The following CLEC2D variants were observed in gnomAD, a reference collection of about 807,000 sequenced individuals.
The protein encoded by CLEC2D is C-type lectin related f.
In CLEC2D, 16 loss-of-function variants were observed where a neutral mutation model predicts 20.0. That is an observed-to-expected ratio of 0.80 (90% CI 0.54 to 1.22). CLEC2D has a LOEUF of 1.22. Among genes scored for constraint, CLEC2D ranks in the 50% most tolerant of loss-of-function variants. CLEC2D has a pLI of 0.00. For missense variants in CLEC2D, 207 were observed against 221.5 expected (o/e 0.93, Z 0.42); for synonymous variants, 77 against 71.1 (o/e 1.08, Z -0.42).
At chr12:9,685,494 GCC>G (rs948707236) in intron 2 of CLEC2D, among the ~76,000 whole-genome samples, 1 of 152,226 alleles carries the variant, frequency 6.6e-6, no homozygotes, top group Non-Finnish European at 1.5e-5. Context: ...TTATCTATAA[GCC>G]CCTGACTGGG....
intron 2 of CLEC2D, among the ~76,000 whole-genome samples, chr12:9,687,565 A>G (rs1050524690): frequency 2.0e-5 from 3 of 152,216 alleles, no homozygotes; most frequent in African/African-American, 7.2e-5. Context: ...CTGTTCTCCA[A>G]AGCTGATCAA....
rs1865977156 is a variant in CLEC2D, at chr12:9,695,865, T to C, written c.*991T>C. ...AACTTGCTGCTGCTGCTGATGATGA[T>C]GATGATGAAGATGATGATGATGATG... On this transcript the variant is annotated 3_prime_UTR_variant, in exon 5 of 5. Coordinates refer to ENST00000290855, the MANE Select transcript of CLEC2D (RefSeq NM_013269.6). 5.6e-6 allele frequency: 6 copies of C among 1,066,196 alleles called. No homozygotes were observed. Among genetic ancestry groups the C allele is most frequent in the African/African-American group, 1.6e-5 (1 of 64,172 alleles). 66.0% of individuals were successfully genotyped at this position (1,066,196 alleles called of 1,614,324 possible).
chr12:9,684,570 A>G (rs1168450591), intron 2 of CLEC2D, among the ~76,000 whole-genome samples: 2 of 152,040 alleles, frequency 1.3e-5, no homozygotes, highest in East Asian at 1.9e-4. Flanking sequence ...TACCTAGTCT[A>G]TTGTGTGTTT....
chr12:9,698,752 A>G lies in CLEC2D; in HGVS notation c.*3878A>G, dbSNP rs539731755. 1.5e-4 allele frequency: 23 copies of G among 152,290 alleles called. No homozygotes were observed. Among genetic ancestry groups the G allele is most frequent in the African/African-American group, 5.5e-4 (23 of 41,580 alleles). The allele number at this position is 152,290 out of a possible 1,614,324, so 9.4% of individuals were successfully genotyped here. A position where few individuals can be genotyped will look rare whatever the true frequency, so the allele number is the denominator to read the frequency against. ...GATTGGGAGAATATATTTCCAAACT[A>G]TTGTTGGGGCTCAGAAACGGATACC... On this transcript the variant is annotated 3_prime_UTR_variant, in exon 5 of 5. Coordinates refer to ENST00000290855, the MANE Select transcript of CLEC2D (RefSeq NM_013269.6).
chr12:9,680,361 T>G, intron 1 of CLEC2D: 1 of 168,484 alleles, frequency 5.9e-6, no homozygotes, highest in Non-Finnish European at 1.3e-5. Context: ...GAGGATGGAC[T>G]AATACAACTG....
chr12:9,671,231 T>C (rs970876296), intron 1 of CLEC2D, among the ~76,000 whole-genome samples: 4 of 152,170 alleles, frequency 2.6e-5, no homozygotes, highest in African/African-American at 9.7e-5. Flanking sequence ...TTAGATTTCT[T>C]TTCTTTTTTT....
intron 2 of CLEC2D, 93 bp from the exon 3 acceptor site, chr12:9,687,809 G>A (rs1463509265): frequency 1.5e-6 from 1 of 669,376 alleles, no homozygotes; most frequent in Non-Finnish European, 2.2e-6. Context: ...TACTTAACAG[G>A]AGTGTCAGAA....
chr12:9,684,645 G>A (rs1865714483), intron 2 of CLEC2D, among the ~76,000 whole-genome samples: 1 of 152,096 alleles, frequency 6.6e-6, no homozygotes, highest in Admixed American at 6.5e-5. Context: ...TCATCATGTG[G>A]TTTTTGTCAT....
At chr12:9,688,194 T>TG in intron 3 of CLEC2D, 108 bp downstream of exon 3, 3 of 870,140 alleles carry the variant, frequency 3.4e-6, no homozygotes, top group Non-Finnish European at 4.4e-6. Flanking sequence ...ACATTGATTT[T>TG]TTTTTTTTTT....
intron 2 of CLEC2D, 129 bp downstream of exon 2, chr12:9,681,162 A>C: frequency 1.8e-6 from 1 of 557,718 alleles, no homozygotes; most frequent in Non-Finnish European, 3.1e-6. Context: ...TTACACTCCA[A>C]TAACTTTTTA....
intron 3 of CLEC2D, among the ~76,000 whole-genome samples, chr12:9,691,675 C>G (rs1434000078): frequency 6.6e-5 from 10 of 152,086 alleles, no homozygotes; most frequent in Admixed American, 6.6e-4. Flanking sequence ...AAGAAGAAAT[C>G]ACAAGGGACA....
rs1234444316 is a variant in CLEC2D, at chr12:9,696,138, G to A, written c.*1264G>A. On this transcript the variant is annotated 3_prime_UTR_variant, in exon 5 of 5. Coordinates refer to ENST00000290855, the MANE Select transcript of CLEC2D (RefSeq NM_013269.6). ...AAAAACGTGGTTCTCTTCCCAAAGT[G>A]GAAACCAAGTTCATCAATTATGTGA... 1.4e-5 allele frequency: 13 copies of A among 930,766 alleles called. No homozygotes were observed. The highest frequency in any genetic ancestry group is 2.3e-5 in the Non-Finnish European group (13 of 572,408). The allele number at this position is 930,766 out of a possible 1,614,324, so 57.7% of individuals were successfully genotyped here. A position where few individuals can be genotyped will look rare whatever the true frequency, so the allele number is the denominator to read the frequency against.
chr12:9,686,669 T>C (rs1050753078), intron 2 of CLEC2D, among the ~76,000 whole-genome samples: 63 of 152,214 alleles, frequency 4.1e-4, no homozygotes, highest in African/African-American at 1.4e-3. Flanking sequence ...AGGTAGAAGG[T>C]GGTTATATAA....
intron 1 of CLEC2D, among the ~76,000 whole-genome samples, chr12:9,677,550 T>C (rs1865545972): frequency 6.6e-6 from 1 of 152,174 alleles, no homozygotes; most frequent in South Asian, 2.1e-4. Flanking sequence ...TGGTCTATTA[T>C]GGTGATTATT....
chr12:9,673,569 T>G (rs1393028964), intron 1 of CLEC2D, among the ~76,000 whole-genome samples: 1 of 152,250 alleles, frequency 6.6e-6, no homozygotes, highest in Non-Finnish European at 1.5e-5. Flanking sequence ...AATCTGACAT[T>G]CCCTTAGCAG....
intron 3 of CLEC2D, among the ~76,000 whole-genome samples, chr12:9,692,487 C>T (rs1404696836): frequency 6.6e-6 from 1 of 152,036 alleles, no homozygotes; most frequent in Non-Finnish European, 1.5e-5. Flanking sequence ...AAATTCTATT[C>T]TAGGACAGGT....
At chr12:9,678,046 T>A (rs1591691058) in intron 1 of CLEC2D, among the ~76,000 whole-genome samples, 1 of 152,132 alleles carries the variant, frequency 6.6e-6, no homozygotes, top group African/African-American at 2.4e-5. Context: ...TCCAATAGAG[T>A]GTTGTTGAAA....
chr12:9,687,878 TATTTA>T lies in CLEC2D; in HGVS notation c.173-23_173-19del. The T allele has an allele frequency of 7.1e-7, 1 of 1,413,000 alleles. No homozygotes were observed. Among genetic ancestry groups the T allele is most frequent in the Non-Finnish European group, 9.4e-7 (1 of 1,063,734 alleles). 87.5% of individuals were successfully genotyped at this position (1,413,000 alleles called of 1,614,324 possible). ...ATATAAAAGTAAGAAATTTTTATTT[TATTTA>T]TTTTTATTTTATTTTCAGCAATAAG... On this transcript the variant is annotated intron_variant, in intron 2 of 4. Coordinates refer to ENST00000290855, the MANE Select transcript of CLEC2D (RefSeq NM_013269.6).
rs55688030 is a variant in CLEC2D at position 9,696,457 on chromosome 12, T to C, written c.*1583T>C. 7.1e-6 allele frequency: 3 copies of C among 421,208 alleles called. No homozygotes were observed. The South Asian group carries it at 7.1e-5, about 10-fold the overall frequency. 26.1% of individuals were successfully genotyped at this position (421,208 alleles called of 1,614,324 possible). ...GGTTTTAAGTATGTATGGGATGCTATGATAGGACATAGTAGTAGCAGTGGT... is the reference window on the plus strand; with the variant it reads ...GGTTTTAAGTATGTATGGGATGCTACGATAGGACATAGTAGTAGCAGTGGT... On this transcript the variant is annotated 3_prime_UTR_variant, in exon 5 of 5. Transcript: ENST00000290855.
Sources: gnomAD v4.1 joint callset for allele counts (sites outside exome capture counted in the v4.1 genomes callset) on GRCh38, gnomAD v4.1.1 for gene constraint, MANE v1.5 for transcripts, NCBI Gene and HGNC (gene_info 2026-07-23, HGNC 2026-07-21) for gene names.